DNAH11: variants seen among roughly 807,000 people sequenced by gnomAD.
DNAH11 encodes the protein dynein axonemal heavy chain 11.
In DNAH11, 442 loss-of-function variants were observed where a neutral mutation model predicts 526.0. The observed-to-expected ratio is 0.84, with a 90% confidence interval of 0.78 to 0.91. DNAH11 has a LOEUF of 0.91. Among genes scored for constraint, DNAH11 ranks in the 40% least tolerant of loss-of-function variants. The pLI, the probability that DNAH11 is intolerant of heterozygous loss-of-function variation, is 0.00. For synonymous variants in DNAH11, 2,461 were observed against 1,935.9 expected, an observed-to-expected ratio of 1.27 and a Z score of -7.12; for missense variants, 6,989 against 5,448.7, an observed-to-expected ratio of 1.28 and a Z score of -8.90.
chr7:21,578,358 C>T (rs184109505), intron 8 of DNAH11, among the ~76,000 whole-genome samples: 2 of 152,342 alleles, frequency 1.3e-5, no homozygotes, highest in Admixed American at 6.5e-5. Flanking sequence ...TCTTAAAGCT[C>T]CAAAATAATC....
At chr7:21,598,718 C>G (rs1583515108) in intron 14 of DNAH11, among the ~76,000 whole-genome samples, 1 of 152,146 alleles carries the variant, frequency 6.6e-6, no homozygotes, top group African/African-American at 2.4e-5. Flanking sequence ...GGTTATTTTT[C>G]CTGATCCTCT....
intron 21 of DNAH11, 87 bp from the exon 22 acceptor site, chr7:21,616,122 C>A (rs1267177445): frequency 8.1e-5 from 77 of 949,716 alleles, no homozygotes; most frequent in East Asian, 2.5e-5. Context: ...GATAGAGTTA[C>A]AGTGTATCAT....
chr7:21,704,581 T>C lies in DNAH11; in HGVS notation c.6421T>C (p.Ser2141Pro), dbSNP rs757012092. 6.2e-7 allele frequency: 1 copy of C among 1,613,314 alleles called. No individual in the cohort carries two copies. The highest frequency in any genetic ancestry group is 2.2e-5 in the East Asian group (1 of 44,886). ...KLHFEQMVRQ[S>P]TLELRLQPEE... ...GCACTTTGAACAGATGGTCAGGCAG[T>C]CTACCCTGGAGCTCCGCCTGCAGCC... is the stretch of plus-strand genomic sequence containing the variant. The change falls in exon 38 of 82, where the codon TCT becomes CCT. Residue 2141 changes from serine (S) to proline (P), a missense_variant. Physicochemically the swap from Ser to Pro is moderately conservative, Grantham distance 74. Transcript: ENST00000409508.
rs1189099415 is a variant in DNAH11 at position 21,617,610 on chromosome 7, T to G, written c.4096-9T>G. 3 of 1,613,640 alleles carry G rather than the reference T, an allele frequency of 1.9e-6. No individual in the cohort carries two copies. The highest frequency in any genetic ancestry group is 1.1e-5 in the South Asian group (1 of 91,038). On this transcript the variant is annotated splice_polypyrimidine_tract_variant and intron_variant, in intron 22 of 81. Coordinates refer to ENST00000409508, the MANE Select transcript of DNAH11 (RefSeq NM_001277115.2). ...TGGGAGCTAGGTTTTTTCCTCCACT[T>G]TTCTTTAGGAAATTTGGTCACTCAA...
intron 55 of DNAH11, among the ~76,000 whole-genome samples, chr7:21,771,110 A>G (rs1448241471): frequency 3.9e-5 from 6 of 152,232 alleles, no homozygotes; most frequent in Admixed American, 1.3e-4. Context: ...TACTGTAGGT[A>G]TATGGCATTT....
At chr7:21,808,167 T>A (rs1185714093) in intron 63 of DNAH11, 118 bp downstream of exon 63, 5 of 736,406 alleles carry the variant, frequency 6.8e-6, no homozygotes, top group African/African-American at 1.8e-5. Context: ...GACCAGAAAT[T>A]CCATGGTGAA....
chr7:21,833,421 A>G (rs766715651), intron 65 of DNAH11, among the ~76,000 whole-genome samples: 9 of 152,220 alleles, frequency 5.9e-5, no homozygotes, highest in Non-Finnish European at 1.0e-4. Context: ...GGCTGGGCAC[A>G]GTGGCTCATG....
chr7:21,894,847 A>T (rs1784451304), intron 78 of DNAH11, 37 bp from the exon 79 acceptor site: 2 of 1,612,392 alleles, frequency 1.2e-6, no homozygotes, highest in South Asian at 2.2e-5. Context: ...AGCACATTGG[A>T]AGATATTCAC....
chr7:21,852,250 A>G (rs1350050224), intron 66 of DNAH11, among the ~76,000 whole-genome samples: 1 of 150,338 alleles, frequency 6.7e-6, no homozygotes, highest in Non-Finnish European at 1.5e-5. Context: ...ACTAAAATAC[A>G]AAAAAAAATA....
intron 68 of DNAH11, among the ~76,000 whole-genome samples, chr7:21,860,346 G>T (rs1212451898): frequency 1.3e-5 from 2 of 151,990 alleles, no homozygotes; most frequent in Non-Finnish European, 2.9e-5. Context: ...CTTTTGGTGG[G>T]GGTGCACAAT....
At chr7:21,796,908 T>G (rs1387184969) in intron 61 of DNAH11, among the ~76,000 whole-genome samples, 2 of 152,138 alleles carry the variant, frequency 1.3e-5, no homozygotes, top group Non-Finnish European at 2.9e-5. Flanking sequence ...TTTATTTTAT[T>G]TTTTTTACAA....
chr7:21,872,123 CA>C (rs776718319), intron 73 of DNAH11, among the ~76,000 whole-genome samples: 2,210 of 30,720 alleles, frequency 0.072, 31 homozygotes, highest in African/African-American at 0.17. Context: ...GACTCTGTCT[CA>C]AAAAAAAAAA....
intron 45 of DNAH11, among the ~76,000 whole-genome samples, chr7:21,729,303 C>T (rs1785271322): frequency 6.6e-6 from 1 of 152,172 alleles, no homozygotes; most frequent in African/African-American, 2.4e-5. Context: ...TGGTATAACC[C>T]CATCTCTATC....
chr7:21,858,338 G>C (rs1052798288), intron 68 of DNAH11, among the ~76,000 whole-genome samples: 1 of 152,130 alleles, frequency 6.6e-6, no homozygotes, highest in African/African-American at 2.4e-5. Context: ...TAAATATACA[G>C]TTAGAAAATA....
At chr7:21,652,573 C>T (rs1781827890) in intron 28 of DNAH11, among the ~76,000 whole-genome samples, 1 of 152,140 alleles carries the variant, frequency 6.6e-6, no homozygotes. Flanking sequence ...ATGTTTATAA[C>T]CAACAGTGAG....
In DNAH11 at chr7:21,559,736, G is replaced by A; in HGVS notation, c.826G>A (p.Ala276Thr). ...LLNGLHLSPQ[A>T]ELDFWMMRRE... ...GAATGGTCTTCACTTGTCTCCTCAA[G>A]CAGAACTAGATTTCTGGATGATGAG... The change falls in exon 4 of 82, where the codon GCA (alanine) becomes ACA (threonine). Residue 276 changes from alanine (A) to threonine (T), a missense_variant. Transcript: ENST00000409508. 7 of 1,608,978 alleles carry A rather than the reference G, an allele frequency of 4.4e-6. No individual in the cohort carries two copies. The highest frequency in any genetic ancestry group is 5.9e-6 in the Non-Finnish European group (7 of 1,177,404).
chr7:21,723,564 A>G (rs1738276193), intron 44 of DNAH11, among the ~76,000 whole-genome samples: 1 of 152,196 alleles, frequency 6.6e-6, no homozygotes, highest in African/African-American at 2.4e-5. Context: ...AGTCAGGGTG[A>G]TTTTTTGAAA....
chr7:21,664,388 C>G (rs1379360722), intron 30 of DNAH11, among the ~76,000 whole-genome samples: 1 of 151,786 alleles, frequency 6.6e-6, no homozygotes, highest in Non-Finnish European at 1.5e-5. Flanking sequence ...GCAAATGTCT[C>G]TACAGTGTAT....
At chr7:21,862,415 C>A (rs976464343) in intron 69 of DNAH11, among the ~76,000 whole-genome samples, 1 of 152,180 alleles carries the variant, frequency 6.6e-6, no homozygotes, top group African/African-American at 2.4e-5. Context: ...CCTTACAAAA[C>A]AGCGACTGGG....
Sources: gnomAD v4.1 joint callset for allele counts (sites outside exome capture counted in the v4.1 genomes callset) on GRCh38, gnomAD v4.1.1 for gene constraint, MANE v1.5 for transcripts, NCBI Gene and HGNC (gene_info 2026-07-23, HGNC 2026-07-21) for gene names.